Variants in TTLL6 observed in about 807,000 individuals in gnomAD.
The protein encoded by TTLL6 is tubulin polyglutamylase TTLL6.
TTLL6 carries 75 observed loss-of-function variants against 96.4 expected under a neutral mutation model. That is an observed-to-expected ratio of 0.78 (90% CI 0.65 to 0.94). The LOEUF is 0.94. Ranked by LOEUF, TTLL6 falls within the 40% of genes least tolerant of loss-of-function variation. The probability of loss-of-function intolerance (pLI) is 0.00; values close to 1 mark genes in which losing one functional copy is unlikely to be tolerated. For missense variants in TTLL6, 1,030 were observed against 1,093.0 expected (o/e 0.94, Z 0.81); for synonymous variants, 411 against 419.4 (o/e 0.98, Z 0.24).
Position 48,784,935 on chromosome 17 carries a change from G to A in TTLL6, c.2028C>T (p.Phe676=), listed in dbSNP as rs773401679. ...GCTCACTACTTACCACAGTGCCAGT[G>A]AATACGTTCACTGCAGAGGCAGACT... The part of the protein sequence containing the change: ...EAKSASAVNV[F]TGTVHLTSVE... The change falls in exon 13 of 16, where the codon TTC becomes TTT. Residue 676 remains phenylalanine, a synonymous_variant. Transcript: ENST00000393382. 12 of 1,613,756 alleles carry A rather than the reference G, an allele frequency of 7.4e-6. No individual in the cohort carries two copies. In the East Asian group the frequency reaches 2.2e-4, roughly 30 times the overall value.
intron 10 of TTLL6, among the ~76,000 whole-genome samples, chr17:48,788,717 G>T (rs755056114): frequency 9.9e-5 from 15 of 152,190 alleles, no homozygotes; most frequent in Non-Finnish European, 8.8e-5. Flanking sequence ...CCTTGTAGAA[G>T]TCAGTTCCCT....
intron 13 of TTLL6, among the ~76,000 whole-genome samples, chr17:48,773,681 C>G (rs1013498705): frequency 6.6e-6 from 1 of 151,954 alleles, no homozygotes; most frequent in Non-Finnish European, 1.5e-5. Context: ...ATGATTGTGT[C>G]ATTACACTCC....
intron 5 of TTLL6, 74 bp downstream of exon 5, chr17:48,801,181 A>C (rs1345551995): frequency 6.4e-6 from 9 of 1,405,204 alleles, no homozygotes; most frequent in Non-Finnish European, 8.8e-6. Flanking sequence ...AGTGGCAACC[A>C]GGGAATCGGG....
intron 1 of TTLL6, among the ~76,000 whole-genome samples, chr17:48,808,074 G>T (rs1197641731): frequency 2.0e-5 from 3 of 151,928 alleles, no homozygotes; most frequent in Non-Finnish European, 1.5e-5. Flanking sequence ...TCCTGACCTC[G>T]TGATCCGCCT....
intron 3 of TTLL6, among the ~76,000 whole-genome samples, chr17:48,802,214 G>A (rs1248680517): frequency 4.6e-5 from 7 of 152,142 alleles, no homozygotes; most frequent in South Asian, 2.1e-4. Context: ...AATGATCCCC[G>A]TAGAAGGTTA....
chr17:48,777,011 G>GACATACAC (rs1555563985), intron 13 of TTLL6, among the ~76,000 whole-genome samples: 2 of 141,394 alleles, frequency 1.4e-5, no homozygotes, highest in Non-Finnish European at 3.1e-5. Context: ...CATAAGGATA[G>GACATACAC]ACACACACAC....
chr17:48,816,209 C>A (rs594335), intron 1 of TTLL6, among the ~76,000 whole-genome samples: 98,355 of 151,812 alleles, frequency 0.65, 32,234 homozygotes, highest in East Asian at 0.92. Context: ...TTGGGAAGCC[C>A]AAGTGGGAGG....
chr17:48,814,283 C>A (rs1407472864), intron 1 of TTLL6, among the ~76,000 whole-genome samples: 1 of 148,208 alleles, frequency 6.7e-6, no homozygotes, highest in Admixed American at 6.8e-5. Flanking sequence ...CGCACCACTG[C>A]CCTCCAGTCT....
chr17:48,799,473 G>A (rs566709055), intron 6 of TTLL6, 131 bp downstream of exon 6: 2 of 947,790 alleles, frequency 2.1e-6, no homozygotes, highest in East Asian at 2.6e-5. Context: ...GTCTGACAAA[G>A]TGCAAGGCAG....
chr17:48,815,648 G>A lies in TTLL6; in HGVS notation c.103+1322C>T, dbSNP rs182721178. On this transcript the variant is annotated intron_variant, in intron 1 of 15. Transcript: ENST00000393382. The stretch of plus-strand genomic sequence containing the variant: ...GTTTTTTGTGGTCTTTTGACTTTTC[G>A]TTTTAGTCACACTTTGAATTTCAGC... 23 of 152,254 alleles carry A rather than the reference G, an allele frequency of 1.5e-4. 1 individual carries two copies. The East Asian group carries it at 4.0e-3, about 27-fold the overall frequency. 9.4% of individuals were successfully genotyped at this position (152,254 alleles called of 1,614,324 possible).
intron 1 of TTLL6, among the ~76,000 whole-genome samples, chr17:48,805,271 C>T (rs1213384300): frequency 6.6e-6 from 1 of 152,180 alleles, no homozygotes; most frequent in African/African-American, 2.4e-5. Flanking sequence ...TGCATGGCAC[C>T]ACCTGGTAAA....
chr17:48,788,047 A>ATCCCTTCC, intron 10 of TTLL6, 48 bp from the exon 11 acceptor site: 1 of 1,579,200 alleles, frequency 6.3e-7, no homozygotes, highest in Non-Finnish European at 8.6e-7. Context: ...TCTTGGGACA[A>ATCCCTTCC]AGCCTGGAAG....
intron 3 of TTLL6, 36 bp from the exon 4 acceptor site, chr17:48,801,679 T>G: frequency 2.6e-6 from 4 of 1,515,960 alleles, no homozygotes; most frequent in Non-Finnish European, 3.6e-6. Context: ...GCCCAGGAAG[T>G]GGGGGAGGAG....
chr17:48,817,133 C>G lies in TTLL6; in HGVS notation c.-61G>C, dbSNP rs2039679902. The G allele has an allele frequency of 7.5e-7, 1 of 1,327,252 alleles. No individual in the cohort carries two copies. The highest frequency in any genetic ancestry group is 1.0e-6 in the Non-Finnish European group (1 of 973,466). The allele number at this position is 1,327,252 out of a possible 1,614,324, so 82.2% of individuals were successfully genotyped here. On this transcript the variant is annotated 5_prime_UTR_variant, in exon 1 of 16. Coordinates refer to ENST00000393382, the MANE Select transcript of TTLL6 (RefSeq NM_001130918.3). ...GCCCTAACTTTGGGTCCGCCCGGCCCTCATATTTGCATACGGGGCCTTCTA... is the reference window on the plus strand; with the variant it reads ...GCCCTAACTTTGGGTCCGCCCGGCCGTCATATTTGCATACGGGGCCTTCTA...
intron 3 of TTLL6, among the ~76,000 whole-genome samples, chr17:48,802,887 T>C (rs1197361720): frequency 8.2e-5 from 12 of 146,780 alleles, no homozygotes; most frequent in African/African-American, 3.0e-4. Context: ...AATAAATAAA[T>C]GGCCAGGCGC....
intron 1 of TTLL6, 114 bp downstream of exon 1, chr17:48,816,856 C>A (rs1157047886): frequency 1.3e-6 from 1 of 750,638 alleles, no homozygotes; most frequent in Non-Finnish European, 2.0e-6. Context: ...GCGGGCTACC[C>A]TGGGGACCTG....
intron 13 of TTLL6, 115 bp from the exon 14 acceptor site, chr17:48,770,212 G>A (rs1424192341): frequency 9.2e-6 from 13 of 1,410,570 alleles, no homozygotes; most frequent in Non-Finnish European, 1.2e-5. Context: ...GCCCAGGCTG[G>A]CCTCAAATTG....
At chr17:48,796,262 T>C in intron 7 of TTLL6, 116 bp from the exon 8 acceptor site, 2 of 769,580 alleles carry the variant, frequency 2.6e-6, no homozygotes, top group Non-Finnish European at 4.2e-6. Flanking sequence ...AGGGAAGTTT[T>C]AGGGCTTATT....
chr17:48,815,217 A>G (rs2039651840), intron 1 of TTLL6: 1 of 152,198 alleles, frequency 6.6e-6, no homozygotes, highest in African/African-American at 2.4e-5. Context: ...TCTGACCTTC[A>G]TCACCTGGAC....
Sources: allele counts gnomAD v4.1 joint callset (sites outside exome capture counted in the v4.1 genomes callset), GRCh38; gene constraint gnomAD v4.1.1; transcripts MANE v1.5; gene names NCBI Gene and HGNC (gene_info 2026-07-23, HGNC 2026-07-21).